The following TCF20 variants were observed in gnomAD, a reference collection of about 807,000 sequenced individuals.
The protein encoded by TCF20 is SPRE-binding protein.
A neutral mutation model predicts 148.6 loss-of-function variants in TCF20; 3 were observed. That is an observed-to-expected ratio of 0.02 (90% CI 0.01 to 0.05). The LOEUF (loss-of-function observed/expected upper bound fraction) is 0.05. Among genes scored for constraint, TCF20 ranks in the 10% least tolerant of loss-of-function variants. The probability of loss-of-function intolerance (pLI) is 1.00; values close to 1 mark genes in which losing one functional copy is unlikely to be tolerated. For synonymous variants in TCF20, 1,049 were observed against 909.5 expected (o/e 1.15, Z -2.76); for missense variants, 2,350 against 2,429.3 (o/e 0.97, Z 0.69).
intron 1 of TCF20, among the ~76,000 whole-genome samples, chr22:42,241,233 C>T (rs1555941943): frequency 6.6e-6 from 1 of 152,122 alleles, no homozygotes; most frequent in Non-Finnish European, 1.5e-5. Context: ...CCCAAAGCCT[C>T]TAATTATTTC....
chr22:42,206,809 T>G (rs1031547541), intron 2 of TCF20, among the ~76,000 whole-genome samples: 1 of 152,222 alleles, frequency 6.6e-6, no homozygotes, highest in African/African-American at 2.4e-5. Flanking sequence ...ATTTTTACTA[T>G]AGTCTATGGG....
intron 2 of TCF20, among the ~76,000 whole-genome samples, chr22:42,198,107 C>T (rs1460378764): frequency 2.0e-5 from 3 of 151,936 alleles, no homozygotes; most frequent in Non-Finnish European, 4.4e-5. Context: ...AATAAAAGTG[C>T]GGTACTTGAA....
intron 1 of TCF20, among the ~76,000 whole-genome samples, chr22:42,300,630 G>A (rs977710206): frequency 1.3e-5 from 2 of 152,180 alleles, no homozygotes; most frequent in African/African-American, 4.8e-5. Flanking sequence ...GCGGTCAGCA[G>A]CCCAAGGGGC....
chr22:42,256,055 G>C (rs948245915), intron 1 of TCF20, among the ~76,000 whole-genome samples: 1 of 151,796 alleles, frequency 6.6e-6, no homozygotes, highest in Admixed American at 6.6e-5. Flanking sequence ...TCTTCCACTT[G>C]TCTCTCTCTC....
chr22:42,256,682 A>T lies in TCF20; in HGVS notation c.-37+13657T>A, dbSNP rs145443326. Among the ~76,000 whole-genome samples the T allele has an allele frequency of 1.5e-3, 223 of 152,336 alleles. No homozygotes were observed. In the Middle Eastern group the frequency reaches 0.017, roughly 12 times the overall value. ...AAACAAAAAACAAAAAAGTAGCATT[A>T]AGTTCAATGCATAGTGTATCTTTTC... On this transcript the variant is annotated intron_variant, in intron 1 of 5. Coordinates refer to ENST00000677622, the MANE Select transcript of TCF20 (RefSeq NM_001378418.1).
chr22:42,330,335 C>T (rs979872032), intron 1 of TCF20, among the ~76,000 whole-genome samples: 5 of 152,192 alleles, frequency 3.3e-5, no homozygotes, highest in African/African-American at 9.7e-5. Flanking sequence ...GAGGCACTGA[C>T]GTTTGCAGTG....
Position 42,338,515 on chromosome 22 carries a change from G to T in TCF20, c.-37+4964C>A, listed in dbSNP as rs1252736948. On this transcript the variant is annotated intron_variant, in intron 1 of 1. Transcript: ENST00000515426. The surrounding 1 kb of genome is among the most constrained non-coding windows in gnomAD (Gnocchi z 4.0). ...CCAATCCCGAAGAGCTCGCTCAGGG[G>T]CTGCGAGTGGAAGGGCTGGGAAAAT... Among the ~76,000 whole-genome samples the T allele has an allele frequency of 6.6e-6, 1 of 152,234 alleles. No homozygotes were observed. Among genetic ancestry groups the T allele is most frequent in the Admixed American group, 6.5e-5 (1 of 15,290 alleles).
At chr22:42,216,101 T>TTTTTTTTTTTTTTTG (rs967996391) in intron 1 of TCF20, among the ~76,000 whole-genome samples, 1 of 134,010 alleles carries the variant, frequency 7.5e-6, no homozygotes, top group Admixed American at 7.4e-5. Context: ...TTTTTTTTTT[T>TTTTTTTTTTTTTTTG]TTTTTTGAGA....
At chr22:42,206,143 A>G (rs1183148116) in intron 2 of TCF20, among the ~76,000 whole-genome samples, 2 of 152,212 alleles carry the variant, frequency 1.3e-5, no homozygotes, top group South Asian at 2.1e-4. Context: ...CTGATTATCA[A>G]TTATTGCTAT....
chr22:42,338,403 G>A lies in TCF20; in HGVS notation c.-37+5076C>T, dbSNP rs1348037089. On this transcript the variant is annotated intron_variant, in intron 1 of 1. Transcript: ENST00000515426. This position sits in a 1 kb window ranked among gnomAD's most constrained non-coding sequence, Gnocchi z 4.0. ...CCTCAGGGGGACACAAAGCTTAAAT[G>A]GCAGCGCAGAGTCGGGAGGGGGGTG... 7.0e-6 allele frequency among the ~76,000 whole-genome samples: 1 copy of A among 143,698 alleles called. No homozygotes were observed. Among genetic ancestry groups the A allele is most frequent in the African/African-American group, 2.6e-5 (1 of 38,194 alleles). The allele number at this position is 143,698 out of a possible 152,430, so 94.3% of individuals were successfully genotyped here.
chr22:42,246,695 C>T (rs761589876), intron 1 of TCF20, among the ~76,000 whole-genome samples: 1 of 152,136 alleles, frequency 6.6e-6, no homozygotes. Context: ...AGGCTGGGCA[C>T]GGTGGCTCAC....
chr22:42,324,695 A>AAAAATAATCTCTACCATCTGAG (rs1927841389), intron 1 of TCF20, among the ~76,000 whole-genome samples: 2 of 146,562 alleles, frequency 1.4e-5, no homozygotes, highest in Admixed American at 6.9e-5. Context: ...CCATTTGAGA[A>AAAAATAATCTCTACCATCTGAG]AAAATAATCT....
chr22:42,318,584 G>T (rs992820329), intron 1 of TCF20, among the ~76,000 whole-genome samples: 2 of 152,126 alleles, frequency 1.3e-5, no homozygotes, highest in African/African-American at 4.8e-5. Context: ...GGCCAGGCAG[G>T]AGTCAGGATG....
intron 1 of TCF20, among the ~76,000 whole-genome samples, chr22:42,266,274 T>G (rs1926282446): frequency 1.3e-5 from 2 of 152,180 alleles, no homozygotes; most frequent in Admixed American, 1.3e-4. Flanking sequence ...AAAGGTCATC[T>G]ATCTCTAAGG....
Position 42,161,144 on chromosome 22 carries a change from G to T in TCF20, c.*259C>A. ...CCCCCTCCCCCCACATTGTCACTAT[G>T]GAGATTGTGTCCATGGAAACAGCCA... On this transcript the variant is annotated 3_prime_UTR_variant, in exon 6 of 6. Coordinates refer to ENST00000677622, the MANE Select transcript of TCF20 (RefSeq NM_001378418.1). 6 of 286,980 alleles carry T rather than the reference G, an allele frequency of 2.1e-5. No individual in the cohort carries two copies. Among genetic ancestry groups the T allele is most frequent in the Non-Finnish European group, 3.3e-5 (5 of 153,104 alleles). The allele number at this position is 286,980 out of a possible 1,614,324, so 17.8% of individuals were successfully genotyped here. A position where few individuals can be genotyped will look rare whatever the true frequency, so the allele number is the denominator to read the frequency against.
In TCF20 at chr22:42,175,075, A is replaced by G. The variant is rs371381271; in HGVS notation, c.5749+4534T>C. Among the ~76,000 whole-genome samples the G allele has an allele frequency of 6.6e-5, 10 of 152,194 alleles. No homozygotes were observed. The East Asian group carries it at 7.7e-4, about 12-fold the overall frequency. ...AAAGCCATTTTTTTCAACTAGAAAC[A>G]AAACTTTATATTACTGCTCCCCCTC... On this transcript the variant is annotated intron_variant, in intron 3 of 5. Coordinates refer to ENST00000677622, the MANE Select transcript of TCF20 (RefSeq NM_001378418.1).
chr22:42,226,281 C>T (rs373287407), intron 1 of TCF20, among the ~76,000 whole-genome samples: 1 of 152,180 alleles, frequency 6.6e-6, no homozygotes, highest in Non-Finnish European at 1.5e-5. Context: ...TCTGAGATGT[C>T]ATTGAATATA....
chr22:42,168,809 A>G, intron 4 of TCF20, 73 bp from the exon 5 acceptor site: 1 of 1,486,900 alleles, frequency 6.7e-7, no homozygotes. Flanking sequence ...GGGCAAAGGG[A>G]GGACAGGAGT....
intron 1 of TCF20, among the ~76,000 whole-genome samples, chr22:42,329,271 C>A (rs1442984316): frequency 6.6e-6 from 1 of 152,264 alleles, no homozygotes; most frequent in Non-Finnish European, 1.5e-5. Context: ...TCATCCCCAG[C>A]ACACAGGCTG....
Sources: allele counts gnomAD v4.1 joint callset (sites outside exome capture counted in the v4.1 genomes callset), GRCh38; gene constraint gnomAD v4.1.1; non-coding constraint Gnocchi (gnomAD v3.1); transcripts MANE v1.5; gene names NCBI Gene and HGNC (gene_info 2026-07-23, HGNC 2026-07-21).